WDR7: variants seen among roughly 807,000 people sequenced by gnomAD.
The protein encoded by WDR7 is WD repeat domain 7, also known as WD repeat-containing protein 7.
A neutral mutation model predicts 169.4 loss-of-function variants in WDR7; 46 were observed. That is an observed-to-expected ratio of 0.27 (90% confidence interval 0.21 to 0.35). WDR7 has a LOEUF of 0.35. Among genes scored for constraint, WDR7 ranks in the 10% least tolerant of loss-of-function variants. The pLI is 1.00. For missense variants in WDR7, 1,534 were observed against 1,859.3 expected (o/e 0.83, Z 3.22); for synonymous variants, 612 against 666.8 (o/e 0.92, Z 1.27).
In WDR7 at chr18:56,691,153, G is replaced by A. The variant is rs1050609303; in HGVS notation, c.718-63G>A. ...CAGGCTTTTTTTTTAAACTTGAAAT[G>A]TCACTGGATCTTACTTTTTACAACA... On this transcript the variant is annotated intron_variant, in intron 7 of 27. Coordinates refer to ENST00000254442, the MANE Select transcript of WDR7 (RefSeq NM_015285.3). The A allele has an allele frequency of 6.4e-5, 98 of 1,536,006 alleles. 1 individual carries two copies. Among genetic ancestry groups the A allele is most frequent in the Non-Finnish European group, 9.6e-6 (11 of 1,149,836 alleles).
At chr18:56,905,844 G>C (rs146392536) in intron 21 of WDR7, among the ~76,000 whole-genome samples, 1 of 152,098 alleles carries the variant, frequency 6.6e-6, no homozygotes, top group Non-Finnish European at 1.5e-5. Flanking sequence ...AGTTCAAAGT[G>C]GTACTCGGGG....
chr18:56,940,262 T>C (rs913037061), intron 25 of WDR7, among the ~76,000 whole-genome samples: 4 of 152,186 alleles, frequency 2.6e-5, no homozygotes, highest in Non-Finnish European at 5.9e-5. Flanking sequence ...AGTAGAAAGC[T>C]TCATTTTAGA....
intron 14 of WDR7, among the ~76,000 whole-genome samples, chr18:56,743,654 G>C (rs1263725069): frequency 6.6e-6 from 1 of 152,186 alleles, no homozygotes; most frequent in Non-Finnish European, 1.5e-5. Context: ...GGAGTGAAAG[G>C]AAAGTGTGGA....
chr18:56,835,189 G>C (rs542485363), intron 20 of WDR7, among the ~76,000 whole-genome samples: 38 of 152,308 alleles, frequency 2.5e-4, no homozygotes, highest in Admixed American at 6.5e-5. Context: ...TGTGAGAGTA[G>C]AATAGAGACA....
At chr18:56,763,789 A>C (rs2044019160) in intron 16 of WDR7, among the ~76,000 whole-genome samples, 1 of 152,192 alleles carries the variant, frequency 6.6e-6, no homozygotes, top group South Asian at 2.1e-4. Context: ...GCTTGTTTTC[A>C]AAAATGTCTA....
intron 13 of WDR7, 134 bp downstream of exon 13, chr18:56,718,293 T>A: frequency 1.1e-6 from 1 of 951,852 alleles, no homozygotes. Context: ...TCTAATTGTT[T>A]AAGTGGCCTC....
chr18:56,901,554 C>T (rs2046402381), intron 21 of WDR7, among the ~76,000 whole-genome samples: 1 of 152,108 alleles, frequency 6.6e-6, no homozygotes. Flanking sequence ...TGTCCCATCG[C>T]TTACCTAGTA....
intron 9 of WDR7, among the ~76,000 whole-genome samples, chr18:56,693,953 T>C (rs2025637741): frequency 6.6e-6 from 1 of 152,010 alleles, no homozygotes; most frequent in Non-Finnish European, 1.5e-5. Flanking sequence ...CACTGTAGCT[T>C]CAAACTCCTG....
intron 12 of WDR7, among the ~76,000 whole-genome samples, chr18:56,708,543 G>A (rs2026012566): frequency 6.6e-6 from 1 of 152,184 alleles, no homozygotes; most frequent in South Asian, 2.1e-4. Flanking sequence ...CCCTGAATGT[G>A]TGCAGCCCAA....
In WDR7 at chr18:56,743,156, A is replaced by AT. The variant is rs1231216599; in HGVS notation, c.1989+11560dup. 4.6e-5 allele frequency among the ~76,000 whole-genome samples: 7 copies of AT among 152,310 alleles called. No homozygotes were observed. The East Asian group carries it at 1.4e-3, about 29-fold the overall frequency. ...GGGTGATAGAATAGAAAGTAGCTCTATCACGTGTGATATCGAATGTAAAAG... is the reference window on the plus strand; with the variant it reads ...GGGTGATAGAATAGAAAGTAGCTCTATTCACGTGTGATATCGAATGTAAAAG... On this transcript the variant is annotated intron_variant, in intron 14 of 27. Transcript: ENST00000254442.
intron 1 of WDR7, among the ~76,000 whole-genome samples, chr18:56,669,580 A>G (rs1461769251): frequency 6.6e-6 from 1 of 152,128 alleles, no homozygotes; most frequent in African/African-American, 2.4e-5. Context: ...GAACATATCA[A>G]TTTGTAAGAT....
chr18:56,824,187 T>G (rs2045155829), intron 20 of WDR7, among the ~76,000 whole-genome samples: 1 of 152,218 alleles, frequency 6.6e-6, no homozygotes, highest in East Asian at 1.9e-4. Flanking sequence ...GGCATGCTCT[T>G]AACTCTGACA....
At chr18:56,786,530 CA>C (rs1235032207) in intron 19 of WDR7, among the ~76,000 whole-genome samples, 79 of 132,888 alleles carry the variant, frequency 5.9e-4, no homozygotes, top group South Asian at 7.2e-4. Flanking sequence ...ACTCTATCTC[CA>C]AAAAAAAAAA....
chr18:56,912,123 G>A (rs1268463336), intron 21 of WDR7, among the ~76,000 whole-genome samples: 1 of 152,140 alleles, frequency 6.6e-6, no homozygotes, highest in East Asian at 1.9e-4. Context: ...CATTCCTGTA[G>A]AAATCAGAAG....
intron 24 of WDR7, 123 bp downstream of exon 24, chr18:56,938,805 A>ATGTGTG (rs1205661909): frequency 1.3e-5 from 8 of 594,720 alleles, no homozygotes; most frequent in African/African-American, 2.6e-5. Context: ...GAGAGAAAGA[A>ATGTGTG]TGAGTGTGTG....
rs2145382588 is a variant in WDR7, at chr18:56,854,767, C to CTCCAAGA, written c.3305-25176_3305-25170dup. Reference sequence around the variant, plus strand: ...GGTGAGGGAATTTTTTCATGACCAGCTCCAAGACAGGAAGGGTGAGGAAGC... The same window carrying CTCCAAGA: ...GGTGAGGGAATTTTTTCATGACCAGCTCCAAGATCCAAGACAGGAAGGGTGAGGAAGC... On this transcript the variant is annotated intron_variant, in intron 20 of 27. Coordinates refer to ENST00000254442, the MANE Select transcript of WDR7 (RefSeq NM_015285.3). 1.3e-5 allele frequency among the ~76,000 whole-genome samples: 2 copies of CTCCAAGA among 152,224 alleles called. 1 individual carries two copies. Among genetic ancestry groups the CTCCAAGA allele is most frequent in the South Asian group, 4.2e-4 (2 of 4,814 alleles).
chr18:56,988,642 G>A (rs1172277598), intron 26 of WDR7, among the ~76,000 whole-genome samples: 1 of 133,052 alleles, frequency 7.5e-6, no homozygotes, highest in African/African-American at 2.7e-5. Flanking sequence ...TGTGTATAGA[G>A]TCGTCGCAAT....
chr18:56,846,162 A>G (rs1388069890), intron 20 of WDR7, among the ~76,000 whole-genome samples: 1 of 152,168 alleles, frequency 6.6e-6, no homozygotes, highest in African/African-American at 2.4e-5. Context: ...TAAGGTTTGG[A>G]TATTTGTCTC....
chr18:56,654,437 A>G (rs1468662224), intron 1 of WDR7, among the ~76,000 whole-genome samples: 1 of 152,104 alleles, frequency 6.6e-6, no homozygotes, highest in Non-Finnish European at 1.5e-5. Flanking sequence ...GCCGAATCTG[A>G]GTATTTCTTC....
Sources: allele counts gnomAD v4.1 joint callset (sites outside exome capture counted in the v4.1 genomes callset), GRCh38; gene constraint gnomAD v4.1.1; transcripts MANE v1.5; gene names NCBI Gene and HGNC (gene_info 2026-07-23, HGNC 2026-07-21).